Variants in TNFSF4 observed in about 807,000 individuals in gnomAD.
The protein encoded by TNFSF4 is TNF superfamily member 4.
A neutral mutation model predicts 7.3 loss-of-function variants in TNFSF4; 4 were observed. The observed-to-expected ratio is 0.55, with a 90% CI of 0.27 to 1.25. The LOEUF (loss-of-function observed/expected upper bound fraction) is 1.25. TNFSF4 is among the 50% of genes most tolerant of loss of function. The pLI is 0.12. For missense variants in TNFSF4, 181 were observed against 208.8 expected, an observed-to-expected ratio of 0.87 and a Z score of 0.82; for synonymous variants, 76 against 83.7, an observed-to-expected ratio of 0.91 and a Z score of 0.50.
chr1:173,361,945 T>C, the TNFSF4 span, among the ~76,000 whole-genome samples: 3 of 152,196 alleles, frequency 2.0e-5, no homozygotes, highest in Non-Finnish European at 4.4e-5. Flanking sequence ...CTGGATACAA[T>C]CCTAGAACTC....
At chr1:173,337,466 T>C in the TNFSF4 span, among the ~76,000 whole-genome samples, 1 of 152,212 alleles carries the variant, frequency 6.6e-6, no homozygotes, top group Non-Finnish European at 1.5e-5. Flanking sequence ...TCTGCTATAC[T>C]ACCCTCTCTC....
the TNFSF4 span, among the ~76,000 whole-genome samples, chr1:173,224,216 G>A: frequency 1.3e-5 from 2 of 152,172 alleles, no homozygotes; most frequent in Admixed American, 1.3e-4. Flanking sequence ...CCTATTCCAT[G>A]CACAAACACA....
At chr1:173,446,312 A>G in the TNFSF4 span, among the ~76,000 whole-genome samples, 1 of 152,230 alleles carries the variant, frequency 6.6e-6, no homozygotes, top group Admixed American at 6.5e-5. Flanking sequence ...TTTAACATAC[A>G]ATCCAGCAAT....
the TNFSF4 span, among the ~76,000 whole-genome samples, chr1:173,428,123 T>C: frequency 2.0e-5 from 3 of 152,038 alleles, no homozygotes; most frequent in Non-Finnish European, 4.4e-5. Flanking sequence ...TTTTTTTATT[T>C]TAGTAAAGAC....
chr1:173,192,603 G>A (rs1422500097), intron 1 of TNFSF4, among the ~76,000 whole-genome samples: 1 of 152,124 alleles, frequency 6.6e-6, no homozygotes, highest in South Asian at 2.1e-4. Context: ...TTTTAGGGTA[G>A]TGAAAGCATC....
At chr1:173,447,865 CCTAA>C in the TNFSF4 span, among the ~76,000 whole-genome samples, 51 of 151,956 alleles carry the variant, frequency 3.4e-4, no homozygotes, top group Admixed American at 1.2e-3. Flanking sequence ...ATAAATAAGA[CCTAA>C]CTATCTACAA....
chr1:173,363,078 A>G, the TNFSF4 span: 1 of 352,900 alleles, frequency 2.8e-6, no homozygotes, highest in East Asian at 7.6e-5. Flanking sequence ...TAGTTTGTAC[A>G]TGTTTCCTTT....
At chr1:173,397,101 T>C in the TNFSF4 span, among the ~76,000 whole-genome samples, 1 of 152,208 alleles carries the variant, frequency 6.6e-6, no homozygotes, top group Non-Finnish European at 1.5e-5. Context: ...CCTATGGCAT[T>C]GGCTGGCTGA....
chr1:173,348,303 C>A, the TNFSF4 span, among the ~76,000 whole-genome samples: 7 of 152,096 alleles, frequency 4.6e-5, no homozygotes, highest in Non-Finnish European at 1.0e-4. Context: ...AAGGGAAACC[C>A]CTTTCACTTG....
At chr1:173,342,710 C>T in the TNFSF4 span, among the ~76,000 whole-genome samples, 1 of 152,094 alleles carries the variant, frequency 6.6e-6, no homozygotes, top group Non-Finnish European at 1.5e-5. Context: ...AGCCATTAAC[C>T]AAAAATTCCA....
At chr1:173,253,342 C>T in the TNFSF4 span, among the ~76,000 whole-genome samples, 1 of 152,142 alleles carries the variant, frequency 6.6e-6, no homozygotes, top group Non-Finnish European at 1.5e-5. Context: ...AGGCATATGG[C>T]AAAGAAGAAA....
chr1:173,345,336 C>T, the TNFSF4 span, among the ~76,000 whole-genome samples: 1 of 152,188 alleles, frequency 6.6e-6, no homozygotes, highest in South Asian at 2.1e-4. Context: ...AAGAGAAAAA[C>T]TGGCTTTGGC....
At chr1:173,280,678 A>G in the TNFSF4 span, among the ~76,000 whole-genome samples, 1 of 152,126 alleles carries the variant, frequency 6.6e-6, no homozygotes, top group Non-Finnish European at 1.5e-5. Context: ...TCTGCTTCCA[A>G]TACCTTACTT....
chr1:173,411,066 C>T, the TNFSF4 span, among the ~76,000 whole-genome samples: 7 of 152,230 alleles, frequency 4.6e-5, no homozygotes, highest in Admixed American at 3.9e-4. Context: ...CACTGGTCCG[C>T]TTTGGCCGCT....
At chr1:173,432,010 T>G in the TNFSF4 span, among the ~76,000 whole-genome samples, 1 of 152,150 alleles carries the variant, frequency 6.6e-6, no homozygotes, top group African/African-American at 2.4e-5. Flanking sequence ...CTAAAAGAAC[T>G]GGGTGAAGGA....
chr1:173,198,577 C>T (rs1208743239), intron 1 of TNFSF4, among the ~76,000 whole-genome samples: 1 of 152,124 alleles, frequency 6.6e-6, no homozygotes, highest in Admixed American at 6.5e-5. Context: ...CGAGATCGTG[C>T]CACTGCACTC....
the TNFSF4 span, among the ~76,000 whole-genome samples, chr1:173,432,245 T>C: frequency 2.0e-5 from 3 of 152,306 alleles, no homozygotes; most frequent in East Asian, 5.8e-4. Flanking sequence ...CCAAAACAAC[T>C]AGATCTTTGT....
chr1:173,330,549 A>G, the TNFSF4 span, among the ~76,000 whole-genome samples: 1 of 152,178 alleles, frequency 6.6e-6, no homozygotes, highest in African/African-American at 2.4e-5. Flanking sequence ...AGATGTTGCC[A>G]ACTTGCTTAG....
the TNFSF4 span, among the ~76,000 whole-genome samples, chr1:173,407,703 G>GGT: frequency 0.019 from 2,866 of 148,276 alleles, 63 homozygotes; most frequent in East Asian, 0.047. Context: ...GATGTAAATG[G>GGT]GTGTGTGTGT....
Sources: allele counts gnomAD v4.1 joint callset (sites outside exome capture counted in the v4.1 genomes callset), GRCh38; gene constraint gnomAD v4.1.1; transcripts MANE v1.5; gene names NCBI Gene and HGNC (gene_info 2026-07-23, HGNC 2026-07-21).